Variants in COL22A1 observed in about 807,000 individuals in gnomAD.
The protein encoded by COL22A1 is collagen type XXII alpha 1 chain.
In COL22A1, 221 loss-of-function variants were observed where a neutral mutation model predicts 248.9. The ratio of observed to expected loss-of-function variants is 0.89; its 90% CI spans 0.80 to 0.99. The LOEUF (loss-of-function observed/expected upper bound fraction) is 0.99. COL22A1 is among the 50% of genes least tolerant of loss of function. COL22A1 has a pLI of 0.00. For synonymous variants in COL22A1, 891 were observed against 793.4 expected, an observed-to-expected ratio of 1.12 and a Z score of -2.07; for missense variants, 2,240 against 2,179.0, an observed-to-expected ratio of 1.03 and a Z score of -0.56.
At chr8:138,777,303 G>T (rs1173685463) in intron 15 of COL22A1, among the ~76,000 whole-genome samples, 1 of 152,244 alleles carries the variant, frequency 6.6e-6, no homozygotes, top group Non-Finnish European at 1.5e-5. Flanking sequence ...CAGAGCATCT[G>T]CAGGGCCATC....
Position 138,884,799 on chromosome 8 carries a change from T to C in COL22A1, c.-72-1555A>G, listed in dbSNP as rs539947635. 5.3e-5 allele frequency among the ~76,000 whole-genome samples: 8 copies of C among 152,310 alleles called. No homozygotes were observed. In the South Asian group the frequency reaches 1.7e-3, roughly 32 times the overall value. On this transcript the variant is annotated intron_variant, in intron 1 of 64. Transcript: ENST00000303045. ...GAGTGAGCTCATGGGTGTCTGTGTG[T>C]ATGTTTCTGTTTCTGATCTTTCTCT... is the stretch of plus-strand genomic sequence containing the variant.
Position 138,839,676 on chromosome 8 carries a change from A to T in COL22A1, c.733+4408T>A, listed in dbSNP as rs544222844. Among the ~76,000 whole-genome samples the T allele has an allele frequency of 2.6e-5, 4 of 152,292 alleles. No individual in the cohort carries two copies. In the East Asian group the frequency reaches 7.7e-4, roughly 29 times the overall value. On this transcript the variant is annotated intron_variant, in intron 4 of 64. Coordinates refer to ENST00000303045, the MANE Select transcript of COL22A1 (RefSeq NM_152888.3). ...AAGCAGTTGAATTGGAGGGCGGTTTAGAAGGTATCATGGGCAGGACTTGGT... is the reference window on the plus strand; with the variant it reads ...AAGCAGTTGAATTGGAGGGCGGTTTTGAAGGTATCATGGGCAGGACTTGGT...
At chr8:138,678,848 C>T (rs1825760790) in intron 40 of COL22A1, among the ~76,000 whole-genome samples, 1 of 152,146 alleles carries the variant, frequency 6.6e-6, no homozygotes, top group Non-Finnish European at 1.5e-5. Context: ...CTTATGAAGA[C>T]ATTTAAAAAC....
At chr8:138,813,539 A>G (rs7015755) in intron 7 of COL22A1, among the ~76,000 whole-genome samples, 111,416 of 151,660 alleles carry the variant, frequency 0.73, 41,234 homozygotes, top group Middle Eastern at 0.79. Flanking sequence ...CTCAGTCTTG[A>G]GTATGTCGTT....
At chr8:138,884,042 C>T (rs1250227953) in intron 1 of COL22A1, among the ~76,000 whole-genome samples, 3 of 152,156 alleles carry the variant, frequency 2.0e-5, no homozygotes, top group Non-Finnish European at 2.9e-5. Flanking sequence ...CCATTTCCCA[C>T]AGGTTCCAGG....
rs566426137 is a variant in COL22A1 at position 138,747,455 on chromosome 8, C to T, written c.2085+4003G>A. Among the ~76,000 whole-genome samples, 193 of 152,280 alleles carry T rather than the reference C, an allele frequency of 1.3e-3. 1 individual carries two copies. Among genetic ancestry groups the T allele is most frequent in the African/African-American group, 4.2e-3 (175 of 41,552 alleles). On this transcript the variant is annotated intron_variant, in intron 22 of 64. Coordinates refer to ENST00000303045, the MANE Select transcript of COL22A1 (RefSeq NM_152888.3). ...GACCCACAAGGCCTGAAAGGAAGCT[C>T]GTCTCCTGCCAGGCCCCTTGCTGGG...
At chr8:138,620,413 A>G (rs1211295797) in intron 52 of COL22A1, 5 of 152,006 alleles carry the variant, frequency 3.3e-5, no homozygotes, top group Non-Finnish European at 5.9e-5. Flanking sequence ...GATTTAGAAA[A>G]AAAAAAAAAA....
At chr8:138,889,630 G>C (rs1451239773) in intron 1 of COL22A1, among the ~76,000 whole-genome samples, 1 of 152,068 alleles carries the variant, frequency 6.6e-6, no homozygotes, top group Non-Finnish European at 1.5e-5. Context: ...GAGTTAGTGG[G>C]TGCAGCACAC....
At position 138,885,591 on chromosome 8, in the gene COL22A1, G is replaced by T. The variant is rs544900797; in HGVS notation, c.-72-2347C>A. ...ACAGTTTTTTTTGTTTTTGTTTTTT[G>T]TTTTTTTCTGATGGAGTTTCACTCT... On this transcript the variant is annotated intron_variant, in intron 1 of 64. Transcript: ENST00000303045. 1.1e-3 allele frequency among the ~76,000 whole-genome samples: 160 copies of T among 151,850 alleles called. 1 individual carries two copies. The highest frequency in any genetic ancestry group is 3.7e-3 in the African/African-American group (154 of 41,386).
At chr8:138,898,276 A>G (rs1277729100) in intron 1 of COL22A1, among the ~76,000 whole-genome samples, 1 of 152,210 alleles carries the variant, frequency 6.6e-6, no homozygotes, top group Non-Finnish European at 1.5e-5. Context: ...AGCTCCTTGC[A>G]CCATCCCAGT....
chr8:138,724,372 A>G (rs548405827), intron 25 of COL22A1, among the ~76,000 whole-genome samples: 125 of 152,270 alleles, frequency 8.2e-4, no homozygotes, highest in Non-Finnish European at 1.5e-3. Context: ...TGGCCTAGGG[A>G]CTGTGGTCCT....
chr8:138,624,568 T>C (rs1587702455), intron 51 of COL22A1, among the ~76,000 whole-genome samples: 1 of 152,342 alleles, frequency 6.6e-6, no homozygotes, highest in East Asian at 1.9e-4. Context: ...TCCAGTACTC[T>C]AGAACTTTGA....
Position 138,833,162 on chromosome 8 carries a change from G to A in COL22A1, c.734-12C>T. On this transcript the variant is annotated splice_polypyrimidine_tract_variant and intron_variant, in intron 4 of 64. Coordinates refer to ENST00000303045, the MANE Select transcript of COL22A1 (RefSeq NM_152888.3). ...CATCAGGTCAAAACCTGTACAAAGAGAAGAGCTGGGAGTGAGTTTGGAGAA... is the reference window on the plus strand; with the variant it reads ...CATCAGGTCAAAACCTGTACAAAGAAAAGAGCTGGGAGTGAGTTTGGAGAA... The A allele has an allele frequency of 1.9e-6, 3 of 1,565,218 alleles. No individual in the cohort carries two copies.
chr8:138,879,616 G>A (rs60773786), intron 2 of COL22A1, among the ~76,000 whole-genome samples: 5,638 of 150,338 alleles, frequency 0.038, 327 homozygotes, highest in African/African-American at 0.13. Context: ...CCTTTGAGCC[G>A]GGAGGTGGAG....
chr8:138,779,050 C>A (rs752215735), intron 14 of COL22A1, among the ~76,000 whole-genome samples: 5 of 152,172 alleles, frequency 3.3e-5, no homozygotes, highest in Non-Finnish European at 7.3e-5. Context: ...AGGAGAAACA[C>A]ACAAATGCAC....
chr8:138,614,735 G>T (rs1309630897), intron 55 of COL22A1, among the ~76,000 whole-genome samples: 4 of 152,100 alleles, frequency 2.6e-5, no homozygotes, highest in Non-Finnish European at 5.9e-5. Flanking sequence ...GGTGGGGTTG[G>T]GGTGGGCTCT....
intron 47 of COL22A1, among the ~76,000 whole-genome samples, chr8:138,640,448 T>C (rs971916370): frequency 7.2e-5 from 11 of 152,196 alleles, no homozygotes; most frequent in African/African-American, 2.6e-4. Context: ...TCCTAAACTT[T>C]TACATGCTGT....
At position 138,815,888 on chromosome 8, in the gene COL22A1, T is replaced by C. The variant is rs147854653; in HGVS notation, c.1246-2869A>G. Among the ~76,000 whole-genome samples, 161 of 152,254 alleles carry C rather than the reference T, an allele frequency of 1.1e-3. 1 individual carries two copies. The highest frequency in any genetic ancestry group is 2.8e-4 in the Non-Finnish European group (19 of 68,010). ...GACTGACCACTCCCCTGCTCCCTTCTCAGGCCCATGTTGGACTCGGGAGTC... is the reference window on the plus strand; with the variant it reads ...GACTGACCACTCCCCTGCTCCCTTCCCAGGCCCATGTTGGACTCGGGAGTC... On this transcript the variant is annotated intron_variant, in intron 7 of 64. Coordinates refer to ENST00000303045, the MANE Select transcript of COL22A1 (RefSeq NM_152888.3).
At chr8:138,821,693 C>G (rs968538838) in intron 6 of COL22A1, among the ~76,000 whole-genome samples, 2 of 152,160 alleles carry the variant, frequency 1.3e-5, no homozygotes, top group Non-Finnish European at 2.9e-5. Context: ...ACTCAGGGGT[C>G]ACAGCCTCAA....
Sources: gnomAD v4.1 joint callset for allele counts (sites outside exome capture counted in the v4.1 genomes callset) on GRCh38, gnomAD v4.1.1 for gene constraint, MANE v1.5 for transcripts, NCBI Gene and HGNC (gene_info 2026-07-23, HGNC 2026-07-21) for gene names.